The following HACD3 variants were observed in gnomAD, a reference collection of about 807,000 sequenced individuals.
HACD3 encodes the protein 3-hydroxyacyl-CoA dehydratase 3.
HACD3 carries 30 observed loss-of-function variants against 55.2 expected under a neutral mutation model. The ratio of observed to expected loss-of-function variants is 0.54; its 90% CI spans 0.41 to 0.74. HACD3 has a LOEUF of 0.74. Ranked by LOEUF, HACD3 falls within the 30% of genes least tolerant of loss-of-function variation. HACD3 has a pLI of 0.00. For synonymous variants in HACD3, 141 were observed against 151.7 expected (o/e 0.93, Z 0.52); for missense variants, 363 against 440.1 (o/e 0.82, Z 1.57).
At chr15:65,568,736 G>A (rs188421947) in intron 7 of HACD3, among the ~76,000 whole-genome samples, 78 of 152,206 alleles carry the variant, frequency 5.1e-4, no homozygotes, top group African/African-American at 1.9e-3. Context: ...TTAAAGACGA[G>A]CTCAAATTGG....
At chr15:65,555,070 G>A in intron 3 of HACD3, 110 bp downstream of exon 3, 1 of 831,250 alleles carries the variant, frequency 1.2e-6, no homozygotes, top group Non-Finnish European at 1.9e-6. Flanking sequence ...AACCAAAGGG[G>A]AATAATAGAG....
intron 1 of HACD3, chr15:65,535,883 T>C: frequency 1.8e-6 from 1 of 551,766 alleles, no homozygotes; most frequent in South Asian, 2.3e-5. Flanking sequence ...AGAGGTGGGG[T>C]CTCATTATGT....
In HACD3 at chr15:65,572,249, C is replaced by G; in HGVS notation, c.895C>G (p.Gln299Glu). The change falls in exon 10 of 11, where the codon CAG (glutamine) becomes GAG (glutamate). Residue 299 changes from glutamine to glutamate, a missense_variant. Physicochemically the swap from Gln to Glu is conservative, Grantham distance 29. Transcript: ENST00000261875. The part of the protein sequence containing the change: ...GCLAEAVSVI[Q>E]SIPIFNETGR... The stretch of plus-strand genomic sequence containing the variant: ...TCTGTTTTCAGCTGTCTCAGTGATT[C>G]AGTCCATTCCAATATTCAATGAGAC... The G allele has an allele frequency of 6.2e-7, 1 of 1,612,540 alleles. No individual in the cohort carries two copies. The highest frequency in any genetic ancestry group is 2.2e-5 in the East Asian group (1 of 44,864).
intron 10 of HACD3, among the ~76,000 whole-genome samples, chr15:65,573,226 A>G (rs1251541798): frequency 6.6e-6 from 1 of 152,090 alleles, no homozygotes; most frequent in African/African-American, 2.4e-5. Context: ...CAGAAGGGAA[A>G]AAGAAAGAAA....
chr15:65,551,450 C>T (rs1366998474), intron 1 of HACD3, among the ~76,000 whole-genome samples: 2 of 152,142 alleles, frequency 1.3e-5, no homozygotes, highest in Non-Finnish European at 2.9e-5. Context: ...ACAGTTAGAG[C>T]AGGTTAGGGT....
chr15:65,569,048 C>A (rs942393380), intron 7 of HACD3, among the ~76,000 whole-genome samples: 1 of 150,588 alleles, frequency 6.6e-6, no homozygotes, highest in African/African-American at 2.4e-5. Context: ...GAGATCGAGA[C>A]CATCCTGGCT....
In HACD3 at chr15:65,554,815, C is replaced by T. The variant is rs182715063; in HGVS notation, c.131-72C>T. The T allele has an allele frequency of 2.3e-5, 24 of 1,055,060 alleles. No homozygotes were observed. In the East Asian group the frequency reaches 5.3e-4, roughly 23 times the overall value. 65.4% of individuals were successfully genotyped at this position (1,055,060 alleles called of 1,614,324 possible). On this transcript the variant is annotated intron_variant, in intron 2 of 10. Coordinates refer to ENST00000261875, the MANE Select transcript of HACD3 (RefSeq NM_016395.4). ...TAATATTCGCATACTTGGGAAAGAA[C>T]TGCACCAAGCTGGCTTTTGGATGGC... is the stretch of plus-strand genomic sequence containing the variant.
rs543652355 is a variant in HACD3 at position 65,530,526 on chromosome 15, G to A, written c.-106G>A. 1.5e-3 allele frequency: 1,565 copies of A among 1,026,726 alleles called. 14 individuals carry two copies. The highest frequency in any genetic ancestry group is 4.3e-3 in the Middle Eastern group (20 of 4,646). The allele number at this position is 1,026,726 out of a possible 1,614,324, so 63.6% of individuals were successfully genotyped here. A position where few individuals can be genotyped will look rare whatever the true frequency, so the allele number is the denominator to read the frequency against. ...CGAGGTGCCGGGTTGCAGGCGCTCA[G>A]GAGCGCTAGGGTTTGAGGCCTGCTT... On this transcript the variant is annotated 5_prime_UTR_variant, in exon 1 of 11. Transcript: ENST00000261875.
intron 1 of HACD3, among the ~76,000 whole-genome samples, chr15:65,546,828 G>T (rs935655803): frequency 2.0e-5 from 3 of 152,082 alleles, no homozygotes; most frequent in Non-Finnish European, 2.9e-5. Flanking sequence ...ACAGAGTTTT[G>T]GGGTTCCCCG....
At chr15:65,569,700 C>G (rs1372741036) in intron 7 of HACD3, among the ~76,000 whole-genome samples, 1 of 151,950 alleles carries the variant, frequency 6.6e-6, no homozygotes, top group Admixed American at 6.6e-5. Flanking sequence ...GGAGCGAGAC[C>G]CCGTCTCGAT....
At chr15:65,536,717 C>CGGT (rs2071958561) in intron 1 of HACD3, among the ~76,000 whole-genome samples, 1 of 152,148 alleles carries the variant, frequency 6.6e-6, no homozygotes, top group Non-Finnish European at 1.5e-5. Context: ...GATCACGCCA[C>CGGT]CGCACTCCAG....
intron 8 of HACD3, 47 bp from the exon 9 acceptor site, chr15:65,571,501 C>A (rs528907226): frequency 7.3e-7 from 1 of 1,379,300 alleles, no homozygotes; most frequent in Admixed American, 1.8e-5. Context: ...AGGTTGCATT[C>A]GGAACCTGAA....
At chr15:65,544,542 T>C (rs776462968) in intron 1 of HACD3, among the ~76,000 whole-genome samples, 4 of 152,208 alleles carry the variant, frequency 2.6e-5, no homozygotes, top group Non-Finnish European at 4.4e-5. Context: ...CTCAGTACTA[T>C]TTCTTTTTTA....
chr15:65,568,163 C>T (rs1397284237), intron 7 of HACD3, among the ~76,000 whole-genome samples: 1 of 151,882 alleles, frequency 6.6e-6, no homozygotes, highest in South Asian at 2.1e-4. Flanking sequence ...CCCAGGTGAT[C>T]TACCCGCCTC....
intron 7 of HACD3, 187 bp downstream of exon 7, chr15:65,564,529 G>T (rs1221759106): frequency 5.6e-6 from 4 of 710,366 alleles, no homozygotes; most frequent in Admixed American, 3.3e-5. Context: ...TCATGGTGGA[G>T]GGCGAAAGGC....
chr15:65,560,969 G>A (rs1247951575), intron 5 of HACD3, among the ~76,000 whole-genome samples: 1 of 152,168 alleles, frequency 6.6e-6, no homozygotes, highest in African/African-American at 2.4e-5. Context: ...AGCTCTGAGG[G>A]CAGCCTTGAA....
chr15:65,542,247 GA>G lies in HACD3; in HGVS notation c.88-9425del, dbSNP rs1290119447. On this transcript the variant is annotated intron_variant, in intron 1 of 10. Coordinates refer to ENST00000261875, the MANE Select transcript of HACD3 (RefSeq NM_016395.4). ...CATCTCAAAAAAAAAAAAAAAAAAA[GA>G]AAAGAAAAGAATATCTGTTTTGTAT... 2.3e-4 allele frequency among the ~76,000 whole-genome samples: 27 copies of G among 116,898 alleles called. No homozygotes were observed. The South Asian group carries it at 3.4e-3, about 15-fold the overall frequency. The allele number at this position is 116,898 out of a possible 152,430, so 76.7% of individuals were successfully genotyped here.
intron 1 of HACD3, among the ~76,000 whole-genome samples, chr15:65,537,961 ATATATATATATATAT>A (rs2071980032): frequency 1.8e-3 from 8 of 4,428 alleles, no homozygotes; most frequent in South Asian, 0.011. Flanking sequence ...AAAAAAAAAT[ATATATATATATATAT>A]ATATATATAT....
intron 2 of HACD3, 155 bp downstream of exon 2, chr15:65,551,873 A>G (rs1243482732): frequency 5.3e-6 from 4 of 753,182 alleles, no homozygotes; most frequent in African/African-American, 1.8e-5. Context: ...TTTGAAATAT[A>G]TGATTAGAAA....
Sources: allele counts gnomAD v4.1 joint callset (sites outside exome capture counted in the v4.1 genomes callset), GRCh38; gene constraint gnomAD v4.1.1; transcripts MANE v1.5; gene names NCBI Gene and HGNC (gene_info 2026-07-23, HGNC 2026-07-21).